Variants in VAT1L observed in about 807,000 individuals in gnomAD.
VAT1L encodes the protein vesicle amine transport 1 like.
Under a neutral mutation model 44.1 loss-of-function variants are expected in VAT1L, and 34 were observed. The observed-to-expected ratio is 0.77, with a 90% CI of 0.59 to 1.03. The LOEUF (loss-of-function observed/expected upper bound fraction) is 1.03. Among genes scored for constraint, VAT1L ranks in the 50% least tolerant of loss-of-function variants. VAT1L has a pLI of 0.00. For missense variants in VAT1L, 615 were observed against 538.8 expected (o/e 1.14, Z -1.40); for synonymous variants, 253 against 202.2 (o/e 1.25, Z -2.13).
chr16:77,940,282 A>AAAATGT (rs1253517399), intron 7 of VAT1L, among the ~76,000 whole-genome samples: 1 of 152,014 alleles, frequency 6.6e-6, no homozygotes, highest in Admixed American at 6.6e-5. Flanking sequence ...TGTATTCCTG[A>AAAATGT]AAATGTAGCT....
At chr16:77,945,636 A>G (rs1376408431) in intron 7 of VAT1L, among the ~76,000 whole-genome samples, 2 of 151,998 alleles carry the variant, frequency 1.3e-5, no homozygotes, top group Admixed American at 6.6e-5. Flanking sequence ...AAAGTAGCAC[A>G]TATTCAACAG....
At chr16:77,877,704 A>C (rs145360541) in intron 5 of VAT1L, among the ~76,000 whole-genome samples, 1 of 152,096 alleles carries the variant, frequency 6.6e-6, no homozygotes, top group Non-Finnish European at 1.5e-5. Flanking sequence ...ACTCAGAAAA[A>C]AACACTTATT....
intron 8 of VAT1L, 142 bp from the exon 9 acceptor site, chr16:77,977,455 C>G (rs1458666990): frequency 2.7e-6 from 2 of 738,630 alleles, no homozygotes; most frequent in East Asian, 2.7e-5. Flanking sequence ...CATATGACAG[C>G]TAATCCTGCA....
intron 3 of VAT1L, among the ~76,000 whole-genome samples, chr16:77,840,745 G>A (rs2016696231): frequency 6.7e-6 from 1 of 149,338 alleles, no homozygotes; most frequent in African/African-American, 2.6e-5. Context: ...TTGATTCCTG[G>A]CCCAGCTATT....
intron 1 of VAT1L, among the ~76,000 whole-genome samples, chr16:77,791,485 T>A (rs867459713): frequency 6.6e-6 from 1 of 152,204 alleles, no homozygotes; most frequent in Non-Finnish European, 1.5e-5. Flanking sequence ...GATGGGTATT[T>A]TTCCTACAGA....
chr16:77,947,738 C>T (rs1329849193), intron 7 of VAT1L, among the ~76,000 whole-genome samples: 2 of 152,184 alleles, frequency 1.3e-5, no homozygotes, highest in Non-Finnish European at 2.9e-5. Context: ...TATGCAGTTT[C>T]TCTTCCTGAA....
intron 4 of VAT1L, among the ~76,000 whole-genome samples, chr16:77,870,943 G>C (rs189567896): frequency 1.3e-5 from 2 of 152,076 alleles, no homozygotes; most frequent in Admixed American, 1.3e-4. Flanking sequence ...ACTGAGGCAG[G>C]GTCAGTCCCA....
At chr16:77,913,990 G>C (rs1322668019) in intron 7 of VAT1L, among the ~76,000 whole-genome samples, 2 of 152,104 alleles carry the variant, frequency 1.3e-5, no homozygotes, top group African/African-American at 2.4e-5. Context: ...ATTTTCTCAA[G>C]CTCTTTGGTC....
chr16:77,820,070 T>C (rs1315382365), intron 2 of VAT1L, among the ~76,000 whole-genome samples: 1 of 152,246 alleles, frequency 6.6e-6, no homozygotes, highest in Non-Finnish European at 1.5e-5. Flanking sequence ...TCCTCTGTTA[T>C]GCACCCTTAT....
intron 7 of VAT1L, among the ~76,000 whole-genome samples, chr16:77,935,985 C>G (rs2017791123): frequency 6.6e-6 from 1 of 152,160 alleles, no homozygotes; most frequent in African/African-American, 2.4e-5. Context: ...GCTTCTCTCT[C>G]GTTCTCTTTT....
intron 3 of VAT1L, among the ~76,000 whole-genome samples, chr16:77,844,905 C>T (rs1264850244): frequency 3.3e-5 from 5 of 152,014 alleles, no homozygotes; most frequent in Non-Finnish European, 1.5e-5. Flanking sequence ...TAGAGAATAT[C>T]AGGCAGAGAG....
At chr16:77,861,132 T>C (rs2016910462) in intron 3 of VAT1L, among the ~76,000 whole-genome samples, 1 of 152,210 alleles carries the variant, frequency 6.6e-6, no homozygotes, top group Non-Finnish European at 1.5e-5. Context: ...GGTGATAAGA[T>C]GACATTTCCA....
intron 7 of VAT1L, among the ~76,000 whole-genome samples, chr16:77,957,282 A>T (rs1018532119): frequency 6.6e-6 from 1 of 152,182 alleles, no homozygotes; most frequent in Non-Finnish European, 1.5e-5. Context: ...TGACATAGCT[A>T]CCAATCTATG....
At chr16:77,956,750 G>A (rs780945656) in intron 7 of VAT1L, among the ~76,000 whole-genome samples, 1 of 152,158 alleles carries the variant, frequency 6.6e-6, no homozygotes, top group East Asian at 1.9e-4. Context: ...CTTTTGATAA[G>A]AACACTTTGG....
intron 1 of VAT1L, among the ~76,000 whole-genome samples, chr16:77,790,077 T>C (rs1247416507): frequency 6.6e-6 from 1 of 152,128 alleles, no homozygotes; most frequent in African/African-American, 2.4e-5. Context: ...AAACCCAATA[T>C]CTGGACCTCT....
intron 1 of VAT1L, among the ~76,000 whole-genome samples, chr16:77,809,582 C>T (rs1223147616): frequency 6.6e-6 from 1 of 152,164 alleles, no homozygotes; most frequent in African/African-American, 2.4e-5. Flanking sequence ...AGGATGTGCA[C>T]TTTCAGAAAA....
At chr16:77,811,036 A>G (rs1205288487) in intron 1 of VAT1L, among the ~76,000 whole-genome samples, 1 of 152,220 alleles carries the variant, frequency 6.6e-6, no homozygotes, top group Non-Finnish European at 1.5e-5. Flanking sequence ...TGAGTATAAT[A>G]GGAAAATATA....
intron 3 of VAT1L, among the ~76,000 whole-genome samples, chr16:77,831,648 C>G (rs1032965557): frequency 6.6e-6 from 1 of 152,068 alleles, no homozygotes; most frequent in African/African-American, 2.4e-5. Flanking sequence ...GACTGAGAAA[C>G]CATCACAGAT....
chr16:77,889,129 T>C lies in VAT1L; in HGVS notation c.1077+4327T>C, dbSNP rs996469810. 4.6e-5 allele frequency among the ~76,000 whole-genome samples: 7 copies of C among 152,194 alleles called. No individual in the cohort carries two copies. In the South Asian group the frequency reaches 1.4e-3, roughly 32 times the overall value. On this transcript the variant is annotated intron_variant, in intron 7 of 8. Coordinates refer to ENST00000302536, the MANE Select transcript of VAT1L (RefSeq NM_020927.3). ...TTTTCCCCTCCCGTTTGGTAAATGATTGCACAAAATTGCTTCTCAATCCAG... is the reference window on the plus strand; with the variant it reads ...TTTTCCCCTCCCGTTTGGTAAATGACTGCACAAAATTGCTTCTCAATCCAG...
Sources: gnomAD v4.1 joint callset for allele counts (sites outside exome capture counted in the v4.1 genomes callset) on GRCh38, gnomAD v4.1.1 for gene constraint, MANE v1.5 for transcripts, NCBI Gene and HGNC (gene_info 2026-07-23, HGNC 2026-07-21) for gene names.